Variants in KCNIP4 observed in about 807,000 individuals in gnomAD.
KCNIP4 encodes the protein Kv channel-interacting protein 4.
In KCNIP4, 12 loss-of-function variants were observed where a neutral mutation model predicts 34.0. The observed-to-expected ratio is 0.35, with a 90% CI of 0.23 to 0.57. The LOEUF (loss-of-function observed/expected upper bound fraction) is 0.57, where lower values mean the gene tolerates loss of function less well. Among genes scored for constraint, KCNIP4 ranks in the 20% least tolerant of loss-of-function variants. KCNIP4 has a pLI of 0.83. For missense variants in KCNIP4, 238 were observed against 311.7 expected (o/e 0.76, Z 1.78); for synonymous variants, 124 against 102.2 (o/e 1.21, Z -1.29).
chr4:21,301,630 C>CT (rs1578046387), intron 1 of KCNIP4, among the ~76,000 whole-genome samples: 2 of 151,920 alleles, frequency 1.3e-5, no homozygotes, highest in South Asian at 2.1e-4. Flanking sequence ...AGCATCAGTA[C>CT]TTTTTTTTAA....
intron 1 of KCNIP4, among the ~76,000 whole-genome samples, chr4:20,890,702 C>T (rs554432939): frequency 4.6e-5 from 7 of 152,028 alleles, no homozygotes; most frequent in East Asian, 3.9e-4. Flanking sequence ...ACTTCAAACA[C>T]GATAAAATGA....
intron 1 of KCNIP4, among the ~76,000 whole-genome samples, chr4:21,838,209 T>C (rs747107563): frequency 1.6e-3 from 241 of 152,274 alleles, no homozygotes; most frequent in Non-Finnish European, 2.5e-3. Flanking sequence ...CTCTTTAATC[T>C]TCAACCCCCC....
intron 1 of KCNIP4, among the ~76,000 whole-genome samples, chr4:21,605,039 C>T (rs1490919911): frequency 6.6e-6 from 1 of 152,176 alleles, no homozygotes; most frequent in East Asian, 1.9e-4. Flanking sequence ...GGGAGTAAAA[C>T]AGCAAGTCTT....
chr4:21,643,575 A>G (rs1276500812), intron 1 of KCNIP4, among the ~76,000 whole-genome samples: 2 of 152,302 alleles, frequency 1.3e-5, no homozygotes, highest in Middle Eastern at 3.4e-3. Flanking sequence ...CCATGAAGCT[A>G]TTTTTTAGAT....
intron 1 of KCNIP4, among the ~76,000 whole-genome samples, chr4:21,723,823 A>G (rs560757757): frequency 6.6e-6 from 1 of 152,252 alleles, no homozygotes; most frequent in African/African-American, 2.4e-5. Context: ...AGTCTGGACT[A>G]TGAAAAACAC....
chr4:21,501,846 T>A (rs888095881), intron 1 of KCNIP4, among the ~76,000 whole-genome samples: 2 of 152,018 alleles, frequency 1.3e-5, no homozygotes, highest in African/African-American at 4.8e-5. Context: ...TTTTTATATA[T>A]CTGGTTCAAA....
chr4:21,187,228 A>T (rs1247628231), intron 1 of KCNIP4, among the ~76,000 whole-genome samples: 1 of 152,228 alleles, frequency 6.6e-6, no homozygotes, highest in African/African-American at 2.4e-5. Context: ...ATGCCATGGC[A>T]CTTAAAAAAA....
intron 3 of KCNIP4, among the ~76,000 whole-genome samples, chr4:20,781,341 T>C (rs1346273231): frequency 6.6e-6 from 1 of 152,212 alleles, no homozygotes; most frequent in Non-Finnish European, 1.5e-5. Flanking sequence ...ATAAATGAGA[T>C]GAACAATTTG....
At chr4:21,829,222 T>C (rs921867300) in intron 1 of KCNIP4, among the ~76,000 whole-genome samples, 1 of 151,976 alleles carries the variant, frequency 6.6e-6, no homozygotes, top group Non-Finnish European at 1.5e-5. Context: ...AACTCCTCTA[T>C]TTATGATAGA....
At chr4:21,854,826 T>C (rs1221351407) in intron 1 of KCNIP4, among the ~76,000 whole-genome samples, 1 of 152,224 alleles carries the variant, frequency 6.6e-6, no homozygotes, top group African/African-American at 2.4e-5. Context: ...GCTCACCCTC[T>C]CTAAGAGTGC....
At chr4:21,127,362 G>T (rs1006200318) in intron 1 of KCNIP4, among the ~76,000 whole-genome samples, 10 of 151,884 alleles carry the variant, frequency 6.6e-5, no homozygotes, top group African/African-American at 2.4e-4. Flanking sequence ...CCTTCTTTTG[G>T]GGTTTGCTTT....
chr4:21,651,007 C>T (rs1176730426), intron 1 of KCNIP4, among the ~76,000 whole-genome samples: 1 of 152,148 alleles, frequency 6.6e-6, no homozygotes, highest in Non-Finnish European at 1.5e-5. Flanking sequence ...CTGCTGAATC[C>T]CTTTCAGATT....
Position 20,737,865 on chromosome 4 carries a change from C to T in KCNIP4, c.430-3130G>A, listed in dbSNP as rs896455356. The stretch of plus-strand genomic sequence containing the variant: ...ACAACCAGCAGGCTGGGGATCATGG[C>T]TCATGCCTGTAATCCCAGCACTTTG... On this transcript the variant is annotated intron_variant, in intron 5 of 8. Transcript: ENST00000382152. 2.0e-5 allele frequency among the ~76,000 whole-genome samples: 3 copies of T among 152,326 alleles called. No individual in the cohort carries two copies. In the East Asian group the frequency reaches 5.8e-4, roughly 29 times the overall value.
chr4:21,434,582 A>C (rs1432647483), intron 1 of KCNIP4, among the ~76,000 whole-genome samples: 2 of 152,004 alleles, frequency 1.3e-5, no homozygotes, highest in Non-Finnish European at 2.9e-5. Flanking sequence ...AGTGAGCATT[A>C]CTGCCTGAGC....
chr4:21,562,665 CTG>C (rs1415392121), intron 1 of KCNIP4, among the ~76,000 whole-genome samples: 1 of 151,886 alleles, frequency 6.6e-6, no homozygotes, highest in East Asian at 1.9e-4. Context: ...TTTTTAAAAA[CTG>C]TAGTAAACTG....
chr4:20,749,478 C>T (rs1470881987), intron 5 of KCNIP4, among the ~76,000 whole-genome samples, 184 bp downstream of exon 5: 2 of 152,136 alleles, frequency 1.3e-5, no homozygotes, highest in Non-Finnish European at 2.9e-5. Context: ...AGAAAATAAA[C>T]TGAATGTGGC....
chr4:21,836,466 C>G (rs1488453091), intron 1 of KCNIP4, among the ~76,000 whole-genome samples: 32 of 152,018 alleles, frequency 2.1e-4, no homozygotes, highest in Admixed American at 2.1e-3. Flanking sequence ...AGTTTTAACA[C>G]AAGAGAATGG....
At chr4:21,660,812 T>G (rs1185009596) in intron 1 of KCNIP4, among the ~76,000 whole-genome samples, 3 of 152,184 alleles carry the variant, frequency 2.0e-5, no homozygotes, top group Non-Finnish European at 4.4e-5. Context: ...TTATTTTCAT[T>G]TATGTAGCAA....
chr4:21,017,709 T>A (rs1205450259), intron 1 of KCNIP4, among the ~76,000 whole-genome samples: 1 of 152,186 alleles, frequency 6.6e-6, no homozygotes, highest in Non-Finnish European at 1.5e-5. Flanking sequence ...ATATACCCAG[T>A]AATAGGATTG....
Sources: allele counts gnomAD v4.1 joint callset (sites outside exome capture counted in the v4.1 genomes callset), GRCh38; gene constraint gnomAD v4.1.1; transcripts MANE v1.5; gene names NCBI Gene and HGNC (gene_info 2026-07-23, HGNC 2026-07-21).